COL23A1: variants seen among roughly 807,000 people sequenced by gnomAD.
COL23A1 encodes the protein collagen alpha-1(XXIII) chain.
Under a neutral mutation model 99.3 loss-of-function variants are expected in COL23A1, and 97 were observed. The ratio of observed to expected loss-of-function variants is 0.98; its 90% CI spans 0.83 to 1.16. The LOEUF is 1.16. Among genes scored for constraint, COL23A1 ranks in the 50% most tolerant of loss-of-function variants. COL23A1 has a pLI of 0.00. For missense variants in COL23A1, 762 were observed against 757.4 expected (o/e 1.01, Z -0.07); for synonymous variants, 320 against 308.2 (o/e 1.04, Z -0.40).
intron 2 of COL23A1, among the ~76,000 whole-genome samples, chr5:178,353,887 C>A (rs183919919): frequency 2.4e-3 from 367 of 151,504 alleles, no homozygotes; most frequent in African/African-American, 8.3e-3. Context: ...CTCAGATAGA[C>A]CACGATGTAG....
intron 2 of COL23A1, among the ~76,000 whole-genome samples, chr5:178,389,778 T>C (rs543525355): frequency 9.2e-5 from 14 of 152,184 alleles, no homozygotes; most frequent in Admixed American, 3.9e-4. Flanking sequence ...CCTGTGGCCT[T>C]GGTGAGCCCA....
At chr5:178,379,215 C>T (rs1041046736) in intron 2 of COL23A1, among the ~76,000 whole-genome samples, 25 of 152,166 alleles carry the variant, frequency 1.6e-4, no homozygotes, top group Middle Eastern at 3.4e-3. Flanking sequence ...AACCAGAAAG[C>T]TCTCCAAGAC....
At position 178,263,282 on chromosome 5, in the gene COL23A1, G is replaced by A; in HGVS notation, c.565C>T (p.Pro189Ser). The A allele has an allele frequency of 6.2e-7, 1 of 1,610,452 alleles. No individual in the cohort carries two copies. Among genetic ancestry groups the A allele is most frequent in the Non-Finnish European group, 8.5e-7 (1 of 1,178,964 alleles). ...QDGAAGPPGP[P>S]GPPGARGPPG... ...GGGCCCCGGGCCCCAGGAGGTCCAGGGGGCCCCGGAGGCCCAGCAGCTCCA... is the reference window on the plus strand; with the variant it reads ...GGGCCCCGGGCCCCAGGAGGTCCAGAGGGCCCCGGAGGCCCAGCAGCTCCA... Residue 189 changes from proline (P) to serine (S), a missense_variant, in exon 9 of 29, where the codon CCT becomes TCT. Coordinates refer to ENST00000390654, the MANE Select transcript of COL23A1 (RefSeq NM_173465.4).
intron 3 of COL23A1, among the ~76,000 whole-genome samples, chr5:178,304,243 T>C (rs1403912565): frequency 6.6e-6 from 1 of 151,678 alleles, no homozygotes; most frequent in African/African-American, 2.4e-5. Context: ...GCGCGGTGGC[T>C]CACGCCTACA....
At chr5:178,265,188 C>T (rs1213571146) in intron 8 of COL23A1, among the ~76,000 whole-genome samples, 2 of 152,236 alleles carry the variant, frequency 1.3e-5, no homozygotes, top group East Asian at 3.9e-4. Context: ...AATTCACTTG[C>T]TTTCCCAATT....
At chr5:178,291,401 G>A (rs1477804673) in intron 3 of COL23A1, among the ~76,000 whole-genome samples, 1 of 152,218 alleles carries the variant, frequency 6.6e-6, no homozygotes, top group East Asian at 1.9e-4. Context: ...AGAAGGCCAG[G>A]AAGCTCCATG....
At chr5:178,348,256 C>T (rs539073605) in intron 2 of COL23A1, among the ~76,000 whole-genome samples, 3 of 152,206 alleles carry the variant, frequency 2.0e-5, no homozygotes, top group East Asian at 1.9e-4. Flanking sequence ...TGTGTTCCCA[C>T]GCACTCGGGG....
At chr5:178,407,615 G>A (rs1764834043) in intron 2 of COL23A1, among the ~76,000 whole-genome samples, 1 of 152,068 alleles carries the variant, frequency 6.6e-6, no homozygotes, top group African/African-American at 2.4e-5. Flanking sequence ...AAAACAGAAA[G>A]TCTCAGCAAA....
intron 2 of COL23A1, among the ~76,000 whole-genome samples, chr5:178,328,579 T>C (rs1407251615): frequency 6.6e-6 from 1 of 152,224 alleles, no homozygotes; most frequent in Non-Finnish European, 1.5e-5. Context: ...GTTAGCATTA[T>C]GGCTGAGTAT....
intron 2 of COL23A1, among the ~76,000 whole-genome samples, chr5:178,444,007 A>G (rs1168573371): frequency 6.6e-6 from 1 of 151,770 alleles, no homozygotes; most frequent in Non-Finnish European, 1.5e-5. Context: ...ATTGAGACCA[A>G]CCCAGGCAAC....
At chr5:178,494,317 G>C (rs775584073) in intron 2 of COL23A1, among the ~76,000 whole-genome samples, 4 of 152,208 alleles carry the variant, frequency 2.6e-5, no homozygotes, top group Non-Finnish European at 5.9e-5. Context: ...GGAGAGATGG[G>C]AAGGTGAGCA....
chr5:178,392,116 C>T (rs995347962), intron 2 of COL23A1, among the ~76,000 whole-genome samples: 1 of 109,646 alleles, frequency 9.1e-6, no homozygotes, highest in Non-Finnish European at 1.8e-5. Flanking sequence ...GGAGTGTCTG[C>T]TATTTTTTTT....
At chr5:178,251,586 A>G (rs916744937) in intron 17 of COL23A1, among the ~76,000 whole-genome samples, 1 of 152,212 alleles carries the variant, frequency 6.6e-6, no homozygotes, top group African/African-American at 2.4e-5. Flanking sequence ...TAGCTTTAAA[A>G]AAAGTTTTAG....
chr5:178,565,707 T>C (rs1434581961), intron 1 of COL23A1, among the ~76,000 whole-genome samples: 3 of 151,962 alleles, frequency 2.0e-5, no homozygotes, highest in African/African-American at 7.3e-5. Flanking sequence ...GATGGGAAAA[T>C]TGAGACAGAA....
At chr5:178,272,015 C>T (rs1756317656) in intron 5 of COL23A1, among the ~76,000 whole-genome samples, 1 of 152,228 alleles carries the variant, frequency 6.6e-6, no homozygotes, top group Admixed American at 6.5e-5. Flanking sequence ...CTCCCAGGCC[C>T]AGCATCAGGG....
At chr5:178,277,932 C>T (rs776081038) in intron 5 of COL23A1, among the ~76,000 whole-genome samples, 12 of 152,252 alleles carry the variant, frequency 7.9e-5, no homozygotes, top group Non-Finnish European at 8.8e-5. Flanking sequence ...GAGGATGGGA[C>T]CGGCGGGCCG....
intron 3 of COL23A1, among the ~76,000 whole-genome samples, chr5:178,296,748 G>C (rs964185147): frequency 6.6e-6 from 1 of 152,074 alleles, no homozygotes; most frequent in African/African-American, 2.4e-5. Context: ...AGTGGGAATG[G>C]CAGCGTTCCG....
chr5:178,345,854 A>G (rs889111298), intron 2 of COL23A1, among the ~76,000 whole-genome samples: 1 of 152,032 alleles, frequency 6.6e-6, no homozygotes, highest in African/African-American at 2.4e-5. Context: ...ATGAAATTAG[A>G]TCATTAATAA....
chr5:178,420,146 G>A (rs1765522960), intron 2 of COL23A1, among the ~76,000 whole-genome samples: 1 of 152,192 alleles, frequency 6.6e-6, no homozygotes, highest in Non-Finnish European at 1.5e-5. Flanking sequence ...GCAAGTCTGA[G>A]TTTCTACCGC....
Sources: allele counts gnomAD v4.1 joint callset (sites outside exome capture counted in the v4.1 genomes callset), GRCh38; gene constraint gnomAD v4.1.1; transcripts MANE v1.5; gene names NCBI Gene and HGNC (gene_info 2026-07-23, HGNC 2026-07-21).